Variants in LIPA observed in about 807,000 individuals in gnomAD.
The protein encoded by LIPA is lipase A, lysosomal acid type.
LIPA carries 26 observed loss-of-function variants against 40.6 expected under a neutral mutation model. The observed-to-expected ratio is 0.64, with a 90% CI of 0.47 to 0.89. The LOEUF (loss-of-function observed/expected upper bound fraction) is 0.89, where lower values mean the gene tolerates loss of function less well. Ranked by LOEUF, LIPA falls within the 40% of genes least tolerant of loss-of-function variation. LIPA has a pLI of 0.00. For missense variants in LIPA, 455 were observed against 479.6 expected, an observed-to-expected ratio of 0.95 and a Z score of 0.48; for synonymous variants, 188 against 168.4, an observed-to-expected ratio of 1.12 and a Z score of -0.90.
intron 1 of LIPA, among the ~76,000 whole-genome samples, chr10:89,260,527 T>C (rs1843202154): frequency 6.6e-6 from 1 of 152,188 alleles, no homozygotes; most frequent in East Asian, 1.9e-4. Flanking sequence ...CACCCTTCAT[T>C]GCCAGCAGGG....
rs1386697008 is a variant in LIPA, at chr10:89,225,101, A to T, written c.666T>A (p.His222Gln). The T allele has an allele frequency of 3.1e-6, 5 of 1,614,100 alleles. No individual in the cohort carries two copies. The highest frequency in any genetic ancestry group is 1.7e-4 in the Middle Eastern group (1 of 6,012). Residue 222 changes from histidine (H) to glutamine (Q), a missense_variant, in exon 6 of 10, where the codon CAT (histidine) becomes CAA (glutamine). Coordinates refer to ENST00000336233, the MANE Select transcript of LIPA (RefSeq NM_000235.4). ...GGAGGGGTCCAAGTACCTTAATGAG[A>T]TGATCTGGTAATCGTCCTAATTTGG... ...PMAKLGRLPD[H>Q]LIKDLFGDKE...
intron 1 of LIPA, among the ~76,000 whole-genome samples, chr10:89,319,789 T>C (rs946433716): frequency 1.3e-5 from 2 of 152,212 alleles, no homozygotes; most frequent in Admixed American, 6.5e-5. Flanking sequence ...ATACCCCTGA[T>C]GAACATCGAT....
At chr10:89,399,748 C>T (rs897301570) in intron 2 of LIPA, among the ~76,000 whole-genome samples, 5 of 150,872 alleles carry the variant, frequency 3.3e-5, no homozygotes, top group Non-Finnish European at 5.9e-5. Flanking sequence ...CCTTAACCCT[C>T]TTATGTTGAA....
At chr10:89,373,616 C>T (rs1844105414) in intron 2 of LIPA, among the ~76,000 whole-genome samples, 1 of 152,076 alleles carries the variant, frequency 6.6e-6, no homozygotes, top group South Asian at 2.1e-4. Flanking sequence ...TATTAAGGTG[C>T]ACAAGGGGAA....
At chr10:89,246,286 C>A (rs1843024324) in intron 2 of LIPA, among the ~76,000 whole-genome samples, 1 of 151,956 alleles carries the variant, frequency 6.6e-6, no homozygotes, top group African/African-American at 2.4e-5. Flanking sequence ...AAAAGTTGAA[C>A]AAAATAGGGA....
intron 9 of LIPA, 64 bp downstream of exon 9, chr10:89,215,874 G>A (rs1842618931): frequency 1.9e-6 from 2 of 1,034,048 alleles, no homozygotes; most frequent in South Asian, 2.5e-5. Context: ...AATCCTGATA[G>A]GCCAGGCTGG....
At chr10:89,339,828 A>G in intron 1 of LIPA, 2 of 1,614,216 alleles carry the variant, frequency 1.2e-6, no homozygotes, top group Non-Finnish European at 8.5e-7. Context: ...TAAGCAAAAA[A>G]TCAACTGACA....
At chr10:89,379,066 G>C (rs926483740) in intron 2 of LIPA, among the ~76,000 whole-genome samples, 4 of 152,314 alleles carry the variant, frequency 2.6e-5, no homozygotes, top group African/African-American at 9.6e-5. Context: ...ATTTTTATTT[G>C]ATAAATTGGT....
At chr10:89,408,528 G>A (rs551550700) in intron 2 of LIPA, among the ~76,000 whole-genome samples, 80 of 152,158 alleles carry the variant, frequency 5.3e-4, no homozygotes, top group African/African-American at 1.2e-3. Context: ...ATCTCCAAAG[G>A]ACCACAAAAA....
At chr10:89,312,701 C>T (rs997166181) in intron 1 of LIPA, among the ~76,000 whole-genome samples, 1 of 150,962 alleles carries the variant, frequency 6.6e-6, no homozygotes, top group African/African-American at 2.4e-5. Context: ...CCCAGCTACT[C>T]GGGAGGCTGA....
intron 2 of LIPA, among the ~76,000 whole-genome samples, chr10:89,356,833 C>G (rs765923302): frequency 3.4e-4 from 52 of 152,342 alleles, no homozygotes; most frequent in Non-Finnish European, 5.1e-4. Flanking sequence ...GTCCCTGGTG[C>G]CAAAAAGGTT....
rs767688436 is a variant in LIPA at position 89,228,334 on chromosome 10, G to C, written c.294C>G (p.Asn98Lys). 1.9e-6 allele frequency: 3 copies of C among 1,614,194 alleles called. No homozygotes were observed. The Admixed American group carries it at 5.0e-5, about 27-fold the overall frequency. Residue 98 changes from asparagine (N) to lysine (K), a missense_variant, in exon 4 of 10, where the codon AAC becomes AAG. Transcript: ENST00000336233. Reference sequence around the variant, plus strand: ...TGAAGCCCAGGCTGCTGTTGGCAAGGTTTGTGACCCAGTTACTAGAATCTG... The same window carrying C: ...TGAAGCCCAGGCTGCTGTTGGCAAGCTTTGTGACCCAGTTACTAGAATCTG... ...LLADSSNWVTNLANSSLGFIL... is the reference protein window; with the variant it reads ...LLADSSNWVTKLANSSLGFIL...
chr10:89,273,490 G>A (rs1843275844), intron 1 of LIPA, among the ~76,000 whole-genome samples: 1 of 152,120 alleles, frequency 6.6e-6, no homozygotes, highest in Admixed American at 6.5e-5. Context: ...AATTTACCTA[G>A]GCTTCTGTAA....
At chr10:89,331,644 A>G (rs549533197) in intron 1 of LIPA, among the ~76,000 whole-genome samples, 4 of 151,906 alleles carry the variant, frequency 2.6e-5, no homozygotes, top group African/African-American at 9.7e-5. Context: ...CAGATGCTTG[A>G]GCTCAGGAGT....
chr10:89,315,012 T>C (rs1215708986), intron 1 of LIPA, among the ~76,000 whole-genome samples: 1 of 152,198 alleles, frequency 6.6e-6, no homozygotes, highest in Non-Finnish European at 1.5e-5. Flanking sequence ...TAATCTCCAT[T>C]CATTGTGAGC....
intron 1 of LIPA, among the ~76,000 whole-genome samples, chr10:89,262,795 T>A (rs997243451): frequency 6.6e-6 from 1 of 152,254 alleles, no homozygotes; most frequent in Non-Finnish European, 1.5e-5. Context: ...ATTTTTCATA[T>A]TTGTAGTAAA....
chr10:89,339,841 G>A (rs1843828228), intron 1 of LIPA: 1 of 1,614,186 alleles, frequency 6.2e-7, no homozygotes. Flanking sequence ...AACTGACAAG[G>A]AAGAGATCAA....
chr10:89,350,634 G>A (rs539047972), intron 2 of LIPA, among the ~76,000 whole-genome samples: 2 of 151,946 alleles, frequency 1.3e-5, no homozygotes, highest in Non-Finnish European at 2.9e-5. Context: ...TTTCTTGCAG[G>A]GGGTTGGGGG....
intron 2 of LIPA, among the ~76,000 whole-genome samples, chr10:89,382,298 T>C (rs1464177174): frequency 6.6e-6 from 1 of 152,242 alleles, no homozygotes; most frequent in Non-Finnish European, 1.5e-5. Flanking sequence ...AAGTATAGAC[T>C]GTAAAGTAAT....
Sources: gnomAD v4.1 joint callset for allele counts (sites outside exome capture counted in the v4.1 genomes callset) on GRCh38, gnomAD v4.1.1 for gene constraint, MANE v1.5 for transcripts, NCBI Gene and HGNC (gene_info 2026-07-23, HGNC 2026-07-21) for gene names.